Variants in GRIK4 observed in about 807,000 individuals in gnomAD.
GRIK4 encodes glutamate ionotropic receptor kainate type subunit 4, also known as glutamate receptor ionotropic, kainate 4.
In GRIK4, 40 loss-of-function variants were observed where a neutral mutation model predicts 104.9. The ratio of observed to expected loss-of-function variants is 0.38; its 90% confidence interval spans 0.30 to 0.50. The LOEUF (loss-of-function observed/expected upper bound fraction) is 0.50, where lower values mean the gene tolerates loss of function less well. GRIK4 is among the 20% of genes least tolerant of loss of function. GRIK4 has a pLI of 0.93. For missense variants in GRIK4, 1,047 were observed against 1,308.1 expected, an observed-to-expected ratio of 0.80 and a Z score of 3.08; for synonymous variants, 485 against 524.9, an observed-to-expected ratio of 0.92 and a Z score of 1.04.
intron 3 of GRIK4, among the ~76,000 whole-genome samples, chr11:120,793,733 T>C (rs1301204108): frequency 2.0e-5 from 3 of 151,264 alleles, no homozygotes; most frequent in Non-Finnish European, 4.4e-5. Context: ...TGTTAGGGGC[T>C]GAGAGCAGGT....
intron 3 of GRIK4, among the ~76,000 whole-genome samples, chr11:120,797,092 C>A (rs1035315752): frequency 6.6e-6 from 1 of 152,138 alleles, no homozygotes; most frequent in African/African-American, 2.4e-5. Context: ...GCTTCCTGGG[C>A]ATGCCGGAGG....
intron 18 of GRIK4, among the ~76,000 whole-genome samples, chr11:120,963,380 C>T (rs1038355456): frequency 2.0e-5 from 3 of 152,150 alleles, no homozygotes; most frequent in Non-Finnish European, 2.9e-5. Flanking sequence ...TTGGGCCTTC[C>T]CCTGCTAACA....
intron 3 of GRIK4, among the ~76,000 whole-genome samples, chr11:120,672,826 C>G (rs745890547): frequency 6.6e-6 from 1 of 152,206 alleles, no homozygotes; most frequent in Non-Finnish European, 1.5e-5. Flanking sequence ...AGTTTTTGGG[C>G]TGAGATGACA....
rs184276720 is a variant in GRIK4 at position 120,840,943 on chromosome 11, T to C, written c.744+4099T>C. On this transcript the variant is annotated intron_variant, in intron 8 of 20. Transcript: ENST00000527524. The stretch of plus-strand genomic sequence containing the variant: ...TCCATGTTATTTTCTTCTCAGTGAG[T>C]TTGCCTATTCTAGCTAGGTGCCTCA... Among the ~76,000 whole-genome samples, 57 of 152,278 alleles carry C rather than the reference T, an allele frequency of 3.7e-4. No individual in the cohort carries two copies. In the East Asian group the frequency reaches 6.8e-3, roughly 18 times the overall value.
chr11:120,736,759 A>G (rs1951228889), intron 3 of GRIK4, among the ~76,000 whole-genome samples: 1 of 151,656 alleles, frequency 6.6e-6, no homozygotes, highest in Admixed American at 6.6e-5. Context: ...AATTACATAT[A>G]TTCTCTCTCT....
At chr11:120,824,557 T>C (rs1265137078) in intron 6 of GRIK4, among the ~76,000 whole-genome samples, 1 of 147,564 alleles carries the variant, frequency 6.8e-6, no homozygotes. Flanking sequence ...TCTTTTCTTT[T>C]TTTTTTTTTT....
intron 3 of GRIK4, among the ~76,000 whole-genome samples, chr11:120,796,062 G>A (rs1054523199): frequency 7.0e-6 from 1 of 143,526 alleles, no homozygotes; most frequent in Admixed American, 7.1e-5. Flanking sequence ...CCAAGACGGG[G>A]TCTCGCTCTG....
intron 2 of GRIK4, 84 bp from the exon 3 acceptor site, chr11:120,660,185 C>T (rs547501559): frequency 2.9e-5 from 19 of 660,856 alleles, no homozygotes; most frequent in African/African-American, 1.3e-4. Flanking sequence ...GGGGCCTCTC[C>T]GGCTCCTGGG....
chr11:120,691,084 A>AG (rs1360797670), intron 3 of GRIK4, among the ~76,000 whole-genome samples: 1 of 152,226 alleles, frequency 6.6e-6, no homozygotes, highest in African/African-American at 2.4e-5. Flanking sequence ...TGGTCTGAAT[A>AG]GGGGGGCAGT....
At chr11:120,516,717 T>C (rs1444764437) in intron 1 of GRIK4, among the ~76,000 whole-genome samples, 1 of 151,864 alleles carries the variant, frequency 6.6e-6, no homozygotes, top group African/African-American at 2.4e-5. Flanking sequence ...CGCTGACAGA[T>C]TGGATGCAGC....
intron 1 of GRIK4, among the ~76,000 whole-genome samples, chr11:120,552,042 C>T (rs978971994): frequency 1.3e-5 from 2 of 152,170 alleles, no homozygotes; most frequent in African/African-American, 4.8e-5. Flanking sequence ...GTAAGTGTTT[C>T]CCTGAGCTCT....
At chr11:120,965,127 A>G (rs1325041122) in intron 18 of GRIK4, among the ~76,000 whole-genome samples, 1 of 152,254 alleles carries the variant, frequency 6.6e-6, no homozygotes, top group East Asian at 1.9e-4. Context: ...TAACTATGGA[A>G]TAAGCAATGT....
At chr11:120,699,415 A>G (rs141186527) in intron 3 of GRIK4, among the ~76,000 whole-genome samples, 1 of 152,116 alleles carries the variant, frequency 6.6e-6, no homozygotes, top group African/African-American at 2.4e-5. Flanking sequence ...TTCATTCTAC[A>G]AATAAATATT....
intron 3 of GRIK4, among the ~76,000 whole-genome samples, chr11:120,782,501 G>A (rs546099058): frequency 1.3e-5 from 2 of 152,238 alleles, no homozygotes; most frequent in Admixed American, 6.5e-5. Flanking sequence ...TAGCCAGGAT[G>A]GTCTCGATCT....
At chr11:120,628,562 G>T (rs1016888970) in intron 1 of GRIK4, among the ~76,000 whole-genome samples, 3 of 152,346 alleles carry the variant, frequency 2.0e-5, no homozygotes, top group Middle Eastern at 6.8e-3. Flanking sequence ...GCCTTGTGCA[G>T]AGAGGGATAG....
chr11:120,622,325 A>G (rs1949200072), intron 1 of GRIK4, among the ~76,000 whole-genome samples: 1 of 152,220 alleles, frequency 6.6e-6, no homozygotes, highest in Non-Finnish European at 1.5e-5. Flanking sequence ...AGACACAGAC[A>G]GGAGGCTTAG....
chr11:120,873,941 AC>A (rs1954687190), intron 9 of GRIK4, 124 bp from the exon 10 acceptor site: 1 of 820,358 alleles, frequency 1.2e-6, no homozygotes, highest in Non-Finnish European at 1.9e-6. Context: ...ATGAAGATGC[AC>A]TCTTATTTCC....
rs149639358 is a variant in GRIK4 at position 120,514,301 on chromosome 11, T to C, written c.-159+2414T>C. ...ATGCCTCTCAGAACAATTACTTCAT[T>C]TGATCTCTACTACAGCCCTGCAAGC... On this transcript the variant is annotated intron_variant, in intron 1 of 20. Coordinates refer to ENST00000527524, the MANE Select transcript of GRIK4 (RefSeq NM_014619.5). Among the ~76,000 whole-genome samples the C allele has an allele frequency of 3.4e-3, 514 of 152,244 alleles. 1 individual carries two copies. Among genetic ancestry groups the C allele is most frequent in the Middle Eastern group, 0.021 (6 of 292 alleles).
chr11:120,576,294 A>G (rs1948483002), intron 1 of GRIK4: 1 of 152,198 alleles, frequency 6.6e-6, no homozygotes, highest in African/African-American at 2.4e-5. Context: ...GGACAATAGG[A>G]TTCCTCATAG....
Sources: gnomAD v4.1 joint callset for allele counts (sites outside exome capture counted in the v4.1 genomes callset) on GRCh38, gnomAD v4.1.1 for gene constraint, MANE v1.5 for transcripts, NCBI Gene and HGNC (gene_info 2026-07-23, HGNC 2026-07-21) for gene names.